Variants in TMEM200A observed in about 807,000 individuals in gnomAD.
The protein encoded by TMEM200A is transmembrane protein 200A, also known as two transmembrane C.
A neutral mutation model predicts 24.3 loss-of-function variants in TMEM200A; 12 were observed. That is an observed-to-expected ratio of 0.49 (90% CI 0.32 to 0.80). TMEM200A has a LOEUF of 0.80. Among genes scored for constraint, TMEM200A ranks in the 30% least tolerant of loss-of-function variants. TMEM200A has a pLI of 0.04. For synonymous variants in TMEM200A, 224 were observed against 224.4 expected (o/e 1.00, Z 0.02); for missense variants, 545 against 614.4 (o/e 0.89, Z 1.19).
chr6:130,432,334 TTA>T (rs1779897925), intron 2 of TMEM200A, among the ~76,000 whole-genome samples: 1 of 152,210 alleles, frequency 6.6e-6, no homozygotes, highest in African/African-American at 2.4e-5. Flanking sequence ...CTTATTGCTT[TTA>T]TGTTTGTCAC....
chr6:130,399,561 C>A (rs57925410), intron 2 of TMEM200A, among the ~76,000 whole-genome samples: 1 of 151,506 alleles, frequency 6.6e-6, no homozygotes, highest in South Asian at 2.1e-4. Flanking sequence ...TATTTTTATT[C>A]GACAAATTTT....
Position 130,410,995 on chromosome 6 carries a change from C to T in TMEM200A, c.-17+25759C>T, listed in dbSNP as rs777341059. On this transcript the variant is annotated intron_variant, in intron 2 of 2. Coordinates refer to ENST00000296978, the MANE Select transcript of TMEM200A (RefSeq NM_001258277.2). ...ACCAGCCAGGTCAACATGGTGAAAC[C>T]CTGTCTCTACTAAAAATACAAAAAT... 9.9e-5 allele frequency among the ~76,000 whole-genome samples: 15 copies of T among 152,058 alleles called. 1 individual carries two copies. Among genetic ancestry groups the T allele is most frequent in the Non-Finnish European group, 2.9e-5 (2 of 68,012 alleles).
At chr6:130,419,297 T>C (rs1230783991) in intron 2 of TMEM200A, among the ~76,000 whole-genome samples, 1 of 152,208 alleles carries the variant, frequency 6.6e-6, no homozygotes, top group East Asian at 1.9e-4. Flanking sequence ...GTATATACCA[T>C]GTTTTCCTTA....
chr6:130,437,098 T>C (rs907061539), intron 2 of TMEM200A: 8 of 152,214 alleles, frequency 5.3e-5, no homozygotes, highest in Non-Finnish European at 1.2e-4. Context: ...TCCAACTCCA[T>C]GGCAGATGTG....
chr6:130,437,199 C>CT (rs1243517397), intron 2 of TMEM200A: 1 of 152,268 alleles, frequency 6.6e-6, no homozygotes, highest in African/African-American at 2.4e-5. Context: ...AACTGACCTC[C>CT]TGTAGTACTG....
At chr6:130,420,333 T>C (rs140266820) in intron 2 of TMEM200A, among the ~76,000 whole-genome samples, 2 of 152,298 alleles carry the variant, frequency 1.3e-5, no homozygotes, top group Non-Finnish European at 2.9e-5. Context: ...CACTTACTCA[T>C]GTCCATTGTG....
At chr6:130,427,267 G>A (rs561339742) in intron 2 of TMEM200A, among the ~76,000 whole-genome samples, 6 of 152,202 alleles carry the variant, frequency 3.9e-5, no homozygotes, top group Admixed American at 6.5e-5. Flanking sequence ...GTTCTGTTAC[G>A]TGTCACCAAC....
chr6:130,426,763 A>G (rs1402705494), intron 2 of TMEM200A, among the ~76,000 whole-genome samples: 1 of 152,192 alleles, frequency 6.6e-6, no homozygotes, highest in Non-Finnish European at 1.5e-5. Flanking sequence ...AGGTGCAGAG[A>G]AAGTTCATCG....
Position 130,441,659 on chromosome 6 carries a change from C to A in TMEM200A, c.1237C>A (p.Gln413Lys). ...CTCCACTCTAACTGTTCAGGCAGAA[C>A]AACGGAAACATCCAAGTTGGCCTAG... Reference protein sequence around the residue: ...GPSTLTVQAEQRKHPSWPRLD... With the variant: ...GPSTLTVQAEKRKHPSWPRLD... The change falls in exon 3 of 3, where the codon CAA becomes AAA. Residue 413 changes from glutamine to lysine, a missense_variant. Gln to Lys is a moderately conservative substitution (Grantham distance 53). Coordinates refer to ENST00000296978, the MANE Select transcript of TMEM200A (RefSeq NM_001258277.2). The A allele has an allele frequency of 6.2e-7, 1 of 1,614,064 alleles. No homozygotes were observed. Among genetic ancestry groups the A allele is most frequent in the Non-Finnish European group, 8.5e-7 (1 of 1,180,016 alleles).
rs1465595490 is a variant in TMEM200A, at chr6:130,440,633, A to C, written c.211A>C (p.Ile71Leu). Residue 71 changes from isoleucine to leucine, a missense_variant, in exon 3 of 3, where the codon ATC becomes CTC. Transcript: ENST00000296978. ...SGFFLILGVL[I>L]SIIGIAMAVL... ...TTTTTTTCTTATTTTAGGAGTGCTC[A>C]TCTCCATTATAGGAATTGCTATGGC... 1 of 1,613,770 alleles carries C rather than the reference A, an allele frequency of 6.2e-7. No homozygotes were observed. Among genetic ancestry groups the C allele is most frequent in the African/African-American group, 1.3e-5 (1 of 74,906 alleles).
intron 2 of TMEM200A, among the ~76,000 whole-genome samples, chr6:130,394,183 A>T (rs1418323496): frequency 2.0e-5 from 3 of 152,170 alleles, no homozygotes; most frequent in Non-Finnish European, 4.4e-5. Context: ...ATTGTTCTAT[A>T]TTGAGGGAGC....
chr6:130,417,932 T>C (rs1779496951), intron 2 of TMEM200A, among the ~76,000 whole-genome samples: 1 of 152,220 alleles, frequency 6.6e-6, no homozygotes, highest in African/African-American at 2.4e-5. Flanking sequence ...CACACATCCA[T>C]AAGCCTGTTT....
chr6:130,376,484 T>A (rs1262056818), intron 1 of TMEM200A, among the ~76,000 whole-genome samples: 2 of 152,154 alleles, frequency 1.3e-5, no homozygotes, highest in Non-Finnish European at 2.9e-5. Context: ...GGTTTCACCA[T>A]GTTGGCCAGG....
chr6:130,394,738 T>A (rs767977423), intron 2 of TMEM200A, among the ~76,000 whole-genome samples: 1 of 152,238 alleles, frequency 6.6e-6, no homozygotes, highest in Non-Finnish European at 1.5e-5. Context: ...CCAGTAGGCA[T>A]GCATGAGATG....
intron 2 of TMEM200A, among the ~76,000 whole-genome samples, chr6:130,433,644 C>T (rs975140406): frequency 6.6e-6 from 1 of 152,092 alleles, no homozygotes; most frequent in African/African-American, 2.4e-5. Flanking sequence ...TTTGTGGATA[C>T]CACATGGGGT....
chr6:130,394,527 T>A (rs562197036), intron 2 of TMEM200A, among the ~76,000 whole-genome samples: 281 of 151,968 alleles, frequency 1.8e-3, no homozygotes, highest in Middle Eastern at 0.014. Context: ...TCTGGGGAGG[T>A]GGGGGATTCC....
At chr6:130,402,175 C>T (rs969993825) in intron 2 of TMEM200A, among the ~76,000 whole-genome samples, 9 of 151,242 alleles carry the variant, frequency 6.0e-5, no homozygotes, top group Non-Finnish European at 1.0e-4. Context: ...TCACAATTTG[C>T]CATAAGAATA....
At chr6:130,394,518 C>T (rs1013228869) in intron 2 of TMEM200A, among the ~76,000 whole-genome samples, 3 of 152,302 alleles carry the variant, frequency 2.0e-5, no homozygotes, top group African/African-American at 7.2e-5. Flanking sequence ...ACAGTCTGCT[C>T]TGGGGAGGTG....
chr6:130,398,066 A>G (rs139205967), intron 2 of TMEM200A, among the ~76,000 whole-genome samples: 1 of 151,972 alleles, frequency 6.6e-6, no homozygotes, highest in African/African-American at 2.4e-5. Context: ...AAATGATTCT[A>G]TCACCCAGGT....
Sources: gnomAD v4.1 joint callset for allele counts (sites outside exome capture counted in the v4.1 genomes callset) on GRCh38, gnomAD v4.1.1 for gene constraint, MANE v1.5 for transcripts, NCBI Gene and HGNC (gene_info 2026-07-23, HGNC 2026-07-21) for gene names.